The following NEK6 variants were observed in gnomAD, a reference collection of about 807,000 sequenced individuals.
The protein encoded by NEK6 is serine/threonine-protein kinase Nek6.
In NEK6, 27 loss-of-function variants were observed where a neutral mutation model predicts 43.5. The observed-to-expected ratio is 0.62, with a 90% CI of 0.46 to 0.86. NEK6 has a LOEUF of 0.86. NEK6 is among the 40% of genes least tolerant of loss of function. The pLI is 0.00. For synonymous variants in NEK6, 167 were observed against 164.1 expected, an observed-to-expected ratio of 1.02 and a Z score of -0.14; for missense variants, 318 against 414.4, an observed-to-expected ratio of 0.77 and a Z score of 2.02.
At chr9:124,272,610 T>A (rs1831492164) in intron 1 of NEK6, among the ~76,000 whole-genome samples, 1 of 152,240 alleles carries the variant, frequency 6.6e-6, no homozygotes, top group Non-Finnish European at 1.5e-5. Context: ...AAGGTGTCTT[T>A]GAGAAATCAG....
chr9:124,319,964 T>A (rs1052426349), intron 4 of NEK6, among the ~76,000 whole-genome samples: 1 of 152,236 alleles, frequency 6.6e-6, no homozygotes, highest in Non-Finnish European at 1.5e-5. Context: ...CTACATTTGT[T>A]ACTGACCAAG....
intron 7 of NEK6, among the ~76,000 whole-genome samples, chr9:124,336,477 T>C (rs1564657241): frequency 6.6e-6 from 1 of 152,184 alleles, no homozygotes; most frequent in Non-Finnish European, 1.5e-5. Flanking sequence ...CGAAATCTCC[T>C]GACCCGTGAA....
intron 1 of NEK6, among the ~76,000 whole-genome samples, chr9:124,295,856 C>T (rs140213240): frequency 6.6e-6 from 1 of 152,348 alleles, no homozygotes; most frequent in East Asian, 1.9e-4. Context: ...GAAGCAGGTT[C>T]AAATGGCAGC....
intron 1 of NEK6, among the ~76,000 whole-genome samples, chr9:124,271,233 C>G (rs1280256365): frequency 6.6e-6 from 1 of 152,256 alleles, no homozygotes; most frequent in Non-Finnish European, 1.5e-5. Context: ...ACTTCCGCTC[C>G]TTGAGTGACA....
At chr9:124,300,855 C>G (rs1832934401) in intron 1 of NEK6, among the ~76,000 whole-genome samples, 1 of 152,200 alleles carries the variant, frequency 6.6e-6, no homozygotes, top group South Asian at 2.1e-4. Context: ...TGAGCTGCTC[C>G]AGGAGCCTAG....
intron 4 of NEK6, among the ~76,000 whole-genome samples, chr9:124,318,066 T>C (rs1367218224): frequency 2.0e-5 from 3 of 152,190 alleles, no homozygotes; most frequent in Non-Finnish European, 2.9e-5. Context: ...GGTCAAATGG[T>C]AGTTCTATTT....
intron 1 of NEK6, among the ~76,000 whole-genome samples, chr9:124,278,253 C>G (rs1295728148): frequency 6.6e-6 from 1 of 152,186 alleles, no homozygotes; most frequent in Non-Finnish European, 1.5e-5. Flanking sequence ...AAGTCAACTC[C>G]AAGACGTTCA....
At chr9:124,292,873 A>G (rs773501794) in intron 1 of NEK6, 44 of 1,455,396 alleles carry the variant, frequency 3.0e-5, no homozygotes, top group Non-Finnish European at 4.0e-5. Flanking sequence ...TGAATTAGAG[A>G]CAGCACGGGG....
Position 124,326,466 on chromosome 9 carries a change from G to A in NEK6, c.514+28G>A, listed in dbSNP as rs376695093. The A allele has an allele frequency of 3.8e-4, 581 of 1,510,334 alleles. 2 individuals carry two copies. The highest frequency in any genetic ancestry group is 2.7e-3 in the Middle Eastern group (16 of 5,850). The allele number at this position is 1,510,334 out of a possible 1,614,324, so 93.6% of individuals were successfully genotyped here. On this transcript the variant is annotated intron_variant, in intron 6 of 9. Coordinates refer to ENST00000320246, the MANE Select transcript of NEK6 (RefSeq NM_014397.6). The surrounding 1 kb of genome is among the most constrained non-coding windows in gnomAD (Gnocchi z 4.5). ...ACGTGCCACCCGCCAGGAGCCGCCC[G>A]GAGCCACCTGGAGCCCAGGAAGACA...
chr9:124,299,770 G>C (rs772871843), intron 1 of NEK6, among the ~76,000 whole-genome samples: 19 of 152,090 alleles, frequency 1.2e-4, no homozygotes, highest in Non-Finnish European at 1.0e-4. Context: ...GACAACAAGA[G>C]ACCTACTGAC....
At chr9:124,347,529 C>T (rs541921299) in intron 8 of NEK6, among the ~76,000 whole-genome samples, 180 bp from the exon 9 acceptor site, 9 of 152,298 alleles carry the variant, frequency 5.9e-5, no homozygotes, top group African/African-American at 1.9e-4. Context: ...GGTAGTGTTG[C>T]GCCTGCTCCT....
At chr9:124,290,483 A>G (rs1477537958) in intron 1 of NEK6, among the ~76,000 whole-genome samples, 1 of 152,200 alleles carries the variant, frequency 6.6e-6, no homozygotes, top group East Asian at 1.9e-4. Flanking sequence ...GATCTCACTC[A>G]CGCGTCCTCC....
chr9:124,314,865 G>A (rs1833737568), intron 4 of NEK6, among the ~76,000 whole-genome samples: 1 of 152,068 alleles, frequency 6.6e-6, no homozygotes, highest in African/African-American at 2.4e-5. Flanking sequence ...TCACCATGTT[G>A]ACCAGCCTGG....
chr9:124,267,252 G>C (rs975906080), intron 1 of NEK6, among the ~76,000 whole-genome samples: 3 of 152,258 alleles, frequency 2.0e-5, no homozygotes, highest in African/African-American at 7.2e-5. Flanking sequence ...ATGTGGCCTT[G>C]GCGGGCCACC....
chr9:124,316,222 C>G (rs1833811245), intron 4 of NEK6, among the ~76,000 whole-genome samples: 2 of 152,330 alleles, frequency 1.3e-5, no homozygotes, highest in East Asian at 1.9e-4. Flanking sequence ...CAAAACCTCT[C>G]AAGTGCGGGG....
At chr9:124,293,656 T>C (rs966769035) in intron 1 of NEK6, among the ~76,000 whole-genome samples, 1 of 152,228 alleles carries the variant, frequency 6.6e-6, no homozygotes, top group Non-Finnish European at 1.5e-5. Flanking sequence ...TGCTGAGCCC[T>C]CAGCAGAGGT....
intron 7 of NEK6, among the ~76,000 whole-genome samples, chr9:124,333,400 A>C (rs1252192933): frequency 6.6e-6 from 1 of 152,174 alleles, no homozygotes; most frequent in Non-Finnish European, 1.5e-5. Flanking sequence ...ACTTTAAGAT[A>C]GAAGGGGGAG....
chr9:124,314,973 A>G (rs1032633276), intron 4 of NEK6, among the ~76,000 whole-genome samples: 3 of 152,218 alleles, frequency 2.0e-5, no homozygotes, highest in Non-Finnish European at 1.5e-5. Flanking sequence ...CATGAAACAT[A>G]CTGGATTTGC....
chr9:124,339,647 G>A lies in NEK6; in HGVS notation c.699G>A (p.Leu233=). 1 of 1,613,470 alleles carries A rather than the reference G, an allele frequency of 6.2e-7. No homozygotes were observed. Among genetic ancestry groups the A allele is most frequent in the Non-Finnish European group, 8.5e-7 (1 of 1,179,372 alleles). Residue 233 remains leucine, a synonymous_variant, in exon 8 of 10, where the codon CTG becomes CTA. Transcript: ENST00000320246. ...GYNFKSDIWS[L]GCLLYEMAAL... ...ACTTCAAGTCCGACATCTGGTCCCT[G>A]GGCTGTCTGCTGTACGAGGTGAGTC...
Sources: gnomAD v4.1 joint callset for allele counts (sites outside exome capture counted in the v4.1 genomes callset) on GRCh38, gnomAD v4.1.1 for gene constraint, Gnocchi (gnomAD v3.1) non-coding constraint, MANE v1.5 for transcripts, NCBI Gene and HGNC (gene_info 2026-07-23, HGNC 2026-07-21) for gene names.